Variants in MICU1 observed in about 807,000 individuals in gnomAD.
The protein encoded by MICU1 is calcium uptake protein 1, mitochondrial.
Under a neutral mutation model 56.8 loss-of-function variants are expected in MICU1, and 45 were observed. The ratio of observed to expected loss-of-function variants is 0.79; its 90% confidence interval spans 0.62 to 1.02. MICU1 has a LOEUF of 1.02. MICU1 is among the 50% of genes least tolerant of loss of function. MICU1 has a pLI of 0.00. For synonymous variants in MICU1, 186 were observed against 195.1 expected (o/e 0.95, Z 0.39); for missense variants, 504 against 587.1 (o/e 0.86, Z 1.46).
intron 1 of MICU1, among the ~76,000 whole-genome samples, chr10:72,588,630 C>T (rs965782270): frequency 5.9e-5 from 9 of 152,148 alleles, no homozygotes; most frequent in African/African-American, 2.2e-4. Flanking sequence ...TATTTCTATT[C>T]GAAAATGATA....
At chr10:72,436,192 G>C (rs1459497772) in intron 8 of MICU1, among the ~76,000 whole-genome samples, 3 of 152,202 alleles carry the variant, frequency 2.0e-5, no homozygotes, top group East Asian at 1.9e-4. Flanking sequence ...CACTTCCAGA[G>C]GAAGGATCAG....
intron 10 of MICU1, among the ~76,000 whole-genome samples, chr10:72,383,556 T>C (rs1339481400): frequency 6.6e-6 from 1 of 152,236 alleles, no homozygotes; most frequent in Non-Finnish European, 1.5e-5. Flanking sequence ...AGCTGCATAG[T>C]ATTCCACTGA....
At chr10:72,614,213 T>A (rs7099662) in intron 1 of MICU1, among the ~76,000 whole-genome samples, 83,254 of 150,660 alleles carry the variant, frequency 0.55, 23,994 homozygotes, top group Non-Finnish European at 0.65. Flanking sequence ...ACTTAAATTT[T>A]AAAAAAAAAA....
At chr10:72,447,408 G>C (rs1865138829) in intron 8 of MICU1, among the ~76,000 whole-genome samples, 1 of 151,962 alleles carries the variant, frequency 6.6e-6, no homozygotes, top group South Asian at 2.1e-4. Context: ...ATATATTATT[G>C]GCATGATTAT....
chr10:72,540,074 T>C (rs1189050772), intron 4 of MICU1, among the ~76,000 whole-genome samples: 1 of 151,700 alleles, frequency 6.6e-6, no homozygotes, highest in African/African-American at 2.4e-5. Flanking sequence ...TCAAGACCAA[T>C]CTGACCAACA....
intron 1 of MICU1, among the ~76,000 whole-genome samples, chr10:72,612,828 GGAA>G (rs1291178710): frequency 6.6e-6 from 1 of 150,754 alleles, no homozygotes; most frequent in Non-Finnish European, 1.5e-5. Flanking sequence ...GGGATGCATA[GGAA>G]GAATGCATAC....
chr10:72,564,868 T>G (rs1366636517), intron 2 of MICU1, among the ~76,000 whole-genome samples: 3 of 152,118 alleles, frequency 2.0e-5, no homozygotes, highest in Admixed American at 6.5e-5. Flanking sequence ...CCAGTCAATT[T>G]CCAGAGCTCA....
At chr10:72,539,560 T>C (rs1441218129) in intron 4 of MICU1, among the ~76,000 whole-genome samples, 1 of 152,190 alleles carries the variant, frequency 6.6e-6, no homozygotes, top group Non-Finnish European at 1.5e-5. Flanking sequence ...AAACGCAATA[T>C]GTTTTTGCTA....
intron 8 of MICU1, among the ~76,000 whole-genome samples, chr10:72,463,777 T>G (rs1865707224): frequency 6.6e-6 from 1 of 152,210 alleles, no homozygotes; most frequent in Admixed American, 6.5e-5. Context: ...GTATATAAAG[T>G]CTGCAGTAAG....
intron 6 of MICU1, chr10:72,477,556 T>C (rs1866162044): frequency 6.5e-7 from 1 of 1,534,932 alleles, no homozygotes; most frequent in South Asian, 1.2e-5. Flanking sequence ...ACCATCTTCT[T>C]AGCTTAGTAA....
At chr10:72,412,999 C>T (rs1290309110) in intron 9 of MICU1, among the ~76,000 whole-genome samples, 1 of 151,984 alleles carries the variant, frequency 6.6e-6, no homozygotes, top group Admixed American at 6.6e-5. Context: ...AAGTTTGAGA[C>T]CAGCCTGGCC....
intron 6 of MICU1, among the ~76,000 whole-genome samples, chr10:72,492,228 G>C (rs1001146687): frequency 3.3e-5 from 5 of 152,146 alleles, no homozygotes; most frequent in Non-Finnish European, 5.9e-5. Flanking sequence ...GCAGTGGAAT[G>C]ATCTTATTTA....
intron 5 of MICU1, among the ~76,000 whole-genome samples, chr10:72,512,871 A>G (rs1407062972): frequency 1.3e-5 from 2 of 151,804 alleles, no homozygotes; most frequent in Non-Finnish European, 2.9e-5. Context: ...TGCTCGGGTA[A>G]TTTTTGTATT....
At chr10:72,548,607 T>C (rs1269346844) in intron 4 of MICU1, among the ~76,000 whole-genome samples, 2 of 152,188 alleles carry the variant, frequency 1.3e-5, no homozygotes, top group African/African-American at 4.8e-5. Flanking sequence ...TGTGTTATAA[T>C]TGTTGAAGCT....
chr10:72,370,753 G>A (rs983818063), intron 11 of MICU1, among the ~76,000 whole-genome samples: 1 of 152,058 alleles, frequency 6.6e-6, no homozygotes, highest in Non-Finnish European at 1.5e-5. Context: ...ACTTTAGGCT[G>A]GGCACAGTGA....
rs573542990 is a variant in MICU1, at chr10:72,509,513, A to C, written c.538-1244T>G. 3 of 836,666 alleles carry C rather than the reference A, an allele frequency of 3.6e-6. No homozygotes were observed. The South Asian group carries it at 4.2e-5, about 12-fold the overall frequency. 51.8% of individuals were successfully genotyped at this position (836,666 alleles called of 1,614,324 possible). On this transcript the variant is annotated intron_variant, in intron 5 of 11. Transcript: ENST00000361114. ...AGTCAGTTTGTATGATCTTCTCAATAAACTCATTCAAAATAGCCTCTACTA... is the reference window on the plus strand; with the variant it reads ...AGTCAGTTTGTATGATCTTCTCAATCAACTCATTCAAAATAGCCTCTACTA...
chr10:72,602,934 C>T lies in MICU1; in HGVS notation c.-2+23076G>A, dbSNP rs138930086. Reference sequence around the variant, plus strand: ...CATCCTGGCTAACATGGTGAAACACCGCCTCTGCTAAAAATACAAAAAATA... The same window carrying T: ...CATCCTGGCTAACATGGTGAAACACTGCCTCTGCTAAAAATACAAAAAATA... On this transcript the variant is annotated intron_variant, in intron 1 of 11. Transcript: ENST00000361114. Among the ~76,000 whole-genome samples the T allele has an allele frequency of 7.2e-5, 11 of 152,188 alleles. No homozygotes were observed. In the East Asian group the frequency reaches 1.7e-3, roughly 24 times the overall value.
Position 72,595,535 on chromosome 10 carries a change from A to T in MICU1, c.-1-28741T>A, listed in dbSNP as rs151064713. 3.8e-3 allele frequency among the ~76,000 whole-genome samples: 576 copies of T among 152,040 alleles called. 4 individuals are homozygous for T. The highest frequency in any genetic ancestry group is 0.031 in the Middle Eastern group (9 of 294). On this transcript the variant is annotated intron_variant, in intron 1 of 11. Coordinates refer to ENST00000361114, the MANE Select transcript of MICU1 (RefSeq NM_001195518.2). ...CAGTATTTGGAGGAATAATGCCAAAATGATAAGCAGAAATACAGGCAGAAT... is the reference window on the plus strand; with the variant it reads ...CAGTATTTGGAGGAATAATGCCAAATTGATAAGCAGAAATACAGGCAGAAT...
chr10:72,467,141 G>C (rs1865818352), intron 8 of MICU1, among the ~76,000 whole-genome samples: 1 of 152,022 alleles, frequency 6.6e-6, no homozygotes, highest in Admixed American at 6.6e-5. Flanking sequence ...TGGGATTACA[G>C]GAGTATGCCA....
Sources: allele counts gnomAD v4.1 joint callset (sites outside exome capture counted in the v4.1 genomes callset), GRCh38; gene constraint gnomAD v4.1.1; transcripts MANE v1.5; gene names NCBI Gene and HGNC (gene_info 2026-07-23, HGNC 2026-07-21).